Variants in KCNQ5 observed in about 807,000 individuals in gnomAD.
KCNQ5 encodes potassium voltage-gated channel subfamily KQT member 5.
A neutral mutation model predicts 98.2 loss-of-function variants in KCNQ5; 30 were observed. The ratio of observed to expected loss-of-function variants is 0.31; its 90% CI spans 0.23 to 0.41. KCNQ5 has a LOEUF of 0.41. KCNQ5 is among the 10% of genes least tolerant of loss of function. The pLI is 1.00. For synonymous variants in KCNQ5, 458 were observed against 449.4 expected, an observed-to-expected ratio of 1.02 and a Z score of -0.24; for missense variants, 835 against 1,182.5, an observed-to-expected ratio of 0.71 and a Z score of 4.31.
At chr6:72,913,377 A>G (rs1211561047) in intron 1 of KCNQ5, among the ~76,000 whole-genome samples, 1 of 151,992 alleles carries the variant, frequency 6.6e-6, no homozygotes, top group Admixed American at 6.6e-5. Flanking sequence ...GCACCATGTC[A>G]ACGTAACTAC....
intron 1 of KCNQ5, among the ~76,000 whole-genome samples, chr6:72,700,165 T>G (rs534071870): frequency 3.9e-5 from 6 of 152,340 alleles, no homozygotes; most frequent in Non-Finnish European, 5.9e-5. Flanking sequence ...ATCCCAACTC[T>G]TAAATGGGCA....
chr6:72,673,289 T>G (rs1468908650), intron 1 of KCNQ5, among the ~76,000 whole-genome samples: 1 of 152,140 alleles, frequency 6.6e-6, no homozygotes, highest in Non-Finnish European at 1.5e-5. Flanking sequence ...TCATAATTGT[T>G]TACTTACAGA....
chr6:72,659,108 A>G (rs1766372926), intron 1 of KCNQ5, among the ~76,000 whole-genome samples: 1 of 152,206 alleles, frequency 6.6e-6, no homozygotes, highest in African/African-American at 2.4e-5. Context: ...CCTTCTTGCA[A>G]CTTTCCATCT....
chr6:72,867,964 CTACTACTAATAA>C (rs1470861899), intron 1 of KCNQ5, among the ~76,000 whole-genome samples: 17 of 150,860 alleles, frequency 1.1e-4, no homozygotes, highest in African/African-American at 4.2e-4. Flanking sequence ...ACTACTACTA[CTACTACTAATAA>C]TAATAATAAT....
intron 1 of KCNQ5, among the ~76,000 whole-genome samples, chr6:72,726,564 C>T (rs1770291358): frequency 6.6e-6 from 1 of 152,102 alleles, no homozygotes; most frequent in Non-Finnish European, 1.5e-5. Flanking sequence ...AGCTTCTTTT[C>T]ATAAATTTTA....
Position 73,106,652 on chromosome 6 carries a change from A to G in KCNQ5, c.1029+1285A>G, listed in dbSNP as rs2150421182. Among the ~76,000 whole-genome samples, 4 of 152,312 alleles carry G rather than the reference A, an allele frequency of 2.6e-5. No homozygotes were observed. The Middle Eastern group carries it at 0.01, about 389-fold the overall frequency. On this transcript the variant is annotated intron_variant, in intron 6 of 13. Coordinates refer to ENST00000370398, the MANE Select transcript of KCNQ5 (RefSeq NM_019842.4). ...TATTTGATTAGGGTCCATCCTAATGACCTCGTTTTAACTTGATTACCTCTG... is the reference window on the plus strand; with the variant it reads ...TATTTGATTAGGGTCCATCCTAATGGCCTCGTTTTAACTTGATTACCTCTG...
chr6:72,887,879 C>A (rs564315031), intron 1 of KCNQ5, among the ~76,000 whole-genome samples: 1 of 151,916 alleles, frequency 6.6e-6, no homozygotes, highest in East Asian at 1.9e-4. Context: ...TACTGTTAAC[C>A]AAGTGAGTGA....
intron 3 of KCNQ5, among the ~76,000 whole-genome samples, chr6:73,058,523 CA>C (rs1487278040): frequency 1.3e-5 from 2 of 152,084 alleles, no homozygotes; most frequent in Admixed American, 6.5e-5. Context: ...GCGATTGCAG[CA>C]AAAACAAAAA....
At chr6:72,982,466 A>G (rs905571941) in intron 1 of KCNQ5, among the ~76,000 whole-genome samples, 3 of 142,106 alleles carry the variant, frequency 2.1e-5, no homozygotes, top group African/African-American at 7.9e-5. Context: ...GTTTTATCAG[A>G]GACTAGGATT....
intron 1 of KCNQ5, among the ~76,000 whole-genome samples, chr6:73,000,536 A>C (rs1562120141): frequency 6.6e-6 from 1 of 152,128 alleles, no homozygotes; most frequent in Non-Finnish European, 1.5e-5. Context: ...TTCCACGTGG[A>C]TGTCTAAAAC....
intron 1 of KCNQ5, among the ~76,000 whole-genome samples, chr6:72,728,935 G>T (rs569389725): frequency 6.6e-6 from 1 of 152,204 alleles, no homozygotes; most frequent in Admixed American, 6.5e-5. Flanking sequence ...GCATCAAAAA[G>T]TATGCAAATG....
chr6:73,118,833 C>G (rs780998299), intron 7 of KCNQ5, among the ~76,000 whole-genome samples: 9 of 152,050 alleles, frequency 5.9e-5, no homozygotes, highest in Non-Finnish European at 1.3e-4. Flanking sequence ...TCAGCCTGGC[C>G]AACATAGTGA....
intron 1 of KCNQ5, among the ~76,000 whole-genome samples, chr6:72,744,854 C>A (rs2154476334): frequency 6.6e-6 from 1 of 151,572 alleles, no homozygotes; most frequent in Admixed American, 6.6e-5. Context: ...AGAAAGGCAA[C>A]AGAGGTACAA....
At chr6:72,714,657 G>T (rs142825687) in intron 1 of KCNQ5, among the ~76,000 whole-genome samples, 2 of 152,284 alleles carry the variant, frequency 1.3e-5, no homozygotes, top group African/African-American at 4.8e-5. Context: ...TAGCTAAAGT[G>T]CTTTCACTGA....
At chr6:72,657,001 G>C (rs893214067) in intron 1 of KCNQ5, among the ~76,000 whole-genome samples, 1 of 152,126 alleles carries the variant, frequency 6.6e-6, no homozygotes, top group Non-Finnish European at 1.5e-5. Context: ...CCAGGAGTTT[G>C]AGACCAATCT....
chr6:72,692,709 T>C (rs1386438947), intron 1 of KCNQ5, among the ~76,000 whole-genome samples: 1 of 152,234 alleles, frequency 6.6e-6, no homozygotes, highest in Non-Finnish European at 1.5e-5. Context: ...TGAGTCCTTT[T>C]ACCCTGGTAG....
At chr6:72,671,522 C>A (rs771647577) in intron 1 of KCNQ5, among the ~76,000 whole-genome samples, 1 of 152,154 alleles carries the variant, frequency 6.6e-6, no homozygotes, top group East Asian at 1.9e-4. Context: ...AAGATAATGA[C>A]AATGAACACA....
intron 5 of KCNQ5, among the ~76,000 whole-genome samples, chr6:73,082,174 C>A (rs1773803907): frequency 6.6e-6 from 1 of 152,180 alleles, no homozygotes; most frequent in South Asian, 2.1e-4. Context: ...CAGGGCAAAG[C>A]AGACCATCCC....
intron 1 of KCNQ5, among the ~76,000 whole-genome samples, chr6:72,714,781 T>G (rs532356139): frequency 1.6e-4 from 24 of 152,244 alleles, no homozygotes; most frequent in African/African-American, 5.5e-4. Context: ...AGTTCAAAAA[T>G]AGCAAAAACT....
Sources: gnomAD v4.1 joint callset for allele counts (sites outside exome capture counted in the v4.1 genomes callset) on GRCh38, gnomAD v4.1.1 for gene constraint, MANE v1.5 for transcripts, NCBI Gene and HGNC (gene_info 2026-07-23, HGNC 2026-07-21) for gene names.